Variants in SERPINA6 observed in about 807,000 individuals in gnomAD.
SERPINA6 encodes the protein serpin family A member 6.
SERPINA6 carries 19 observed loss-of-function variants against 26.4 expected under a neutral mutation model. That is an observed-to-expected ratio of 0.72 (90% confidence interval 0.50 to 1.06). The LOEUF (loss-of-function observed/expected upper bound fraction) is 1.06. Ranked by LOEUF, SERPINA6 falls within the 50% of genes least tolerant of loss-of-function variation. The probability of loss-of-function intolerance (pLI) is 0.00; values close to 1 mark genes in which losing one functional copy is unlikely to be tolerated. For synonymous variants in SERPINA6, 196 were observed against 199.4 expected (o/e 0.98, Z 0.14); for missense variants, 473 against 504.0 (o/e 0.94, Z 0.59).
At chr14:94,323,152 T>C (rs1483306720) in intron 1 of SERPINA6, 115 bp downstream of exon 1, 1 of 152,280 alleles carries the variant, frequency 6.6e-6, no homozygotes, top group Non-Finnish European at 1.5e-5. Context: ...TAATGTTCAA[T>C]GTGCCCTTTA....
intron 4 of SERPINA6, 101 bp downstream of exon 4, chr14:94,305,970 T>C: frequency 7.2e-7 from 1 of 1,387,322 alleles, no homozygotes; most frequent in Non-Finnish European, 1.0e-6. Context: ...GCCAGGGACC[T>C]AGAGGCTCAT....
In SERPINA6 at chr14:94,306,182, A is replaced by G. The variant is rs1438337108; in HGVS notation, c.921T>C (p.Ser307=). 2 of 1,614,112 alleles carry G rather than the reference A, an allele frequency of 1.2e-6. No homozygotes were observed. Among genetic ancestry groups the G allele is most frequent in the South Asian group, 1.1e-5 (1 of 91,084 alleles). The change falls in exon 4 of 5, where the codon TCT becomes TCC. Residue 307 remains serine (S), a synonymous_variant. Coordinates refer to ENST00000341584, the MANE Select transcript of SERPINA6 (RefSeq NM_001756.4). ...VDLYIPKVTI[S]GVYDLGDVLE... ...GCACATCTCCGAGGTCATAGACTCC[A>G]GAGATGGTGACCTTTGGAATGTACA...
Position 94,314,617 on chromosome 14 carries a change from C to T in SERPINA6, c.32G>A (p.Trp11Ter), listed in dbSNP as rs777245398. 4 of 1,613,944 alleles carry T rather than the reference C, an allele frequency of 2.5e-6. No individual in the cohort carries two copies. Among genetic ancestry groups the T allele is most frequent in the Non-Finnish European group, 3.4e-6 (4 of 1,180,042 alleles). ...GGTCCAGAGGCCGCTGGTGGGCAGCCAGAGAAGACAGGTGTACAGGAGGAG... is the reference window on the plus strand; with the variant it reads ...GGTCCAGAGGCCGCTGGTGGGCAGCTAGAGAAGACAGGTGTACAGGAGGAG... Reference protein sequence around the residue: MPLLLYTCLLWLPTSGLWTVQ... With the variant: MPLLLYTCLL Residue 11 changes from tryptophan to a stop codon, truncating the protein, a stop_gained, in exon 2 of 5, where the codon TGG becomes TAG. Coordinates refer to ENST00000341584, the MANE Select transcript of SERPINA6 (RefSeq NM_001756.4). LOFTEE classifies it high-confidence loss of function.
chr14:94,311,054 A>G (rs1021028303), intron 2 of SERPINA6, among the ~76,000 whole-genome samples: 1 of 152,122 alleles, frequency 6.6e-6, no homozygotes, highest in Non-Finnish European at 1.5e-5. Flanking sequence ...CCAGCCACAA[A>G]CCTTTTGTAA....
At chr14:94,316,214 G>T (rs1895612117) in intron 1 of SERPINA6, among the ~76,000 whole-genome samples, 1 of 152,160 alleles carries the variant, frequency 6.6e-6, no homozygotes, top group African/African-American at 2.4e-5. Flanking sequence ...ATCTCATTGT[G>T]ATTGAAGAAG....
chr14:94,308,122 C>T lies in SERPINA6; in HGVS notation c.884+1614G>A, dbSNP rs74444476. Among the ~76,000 whole-genome samples the T allele has an allele frequency of 2.0e-5, 3 of 152,328 alleles. No homozygotes were observed. The East Asian group carries it at 5.8e-4, about 29-fold the overall frequency. On this transcript the variant is annotated intron_variant, in intron 3 of 4. Transcript: ENST00000341584. Reference sequence around the variant, plus strand: ...TCATGTCGGGTCTGGAGGCCACTTCCCCCTGGCTGAACTTCCATTCACACT... The same window carrying T: ...TCATGTCGGGTCTGGAGGCCACTTCTCCCTGGCTGAACTTCCATTCACACT...
intron 2 of SERPINA6, among the ~76,000 whole-genome samples, chr14:94,313,657 G>A (rs1895565261): frequency 6.6e-6 from 1 of 152,116 alleles, no homozygotes; most frequent in Admixed American, 6.5e-5. Flanking sequence ...GGATGGCTTT[G>A]GGGGCATCTG....
At position 94,305,054 on chromosome 14, in the gene SERPINA6, CTTG is replaced by C. The variant is rs574821277; in HGVS notation, c.1033-454_1033-452del. Reference sequence around the variant, plus strand: ...GTAAATCTTTGACTGTTGATATGTCCTTGTTGTGATCAAAATTAGGAGGAGTTC... The same window carrying C: ...GTAAATCTTTGACTGTTGATATGTCCTTGTGATCAAAATTAGGAGGAGTTC... On this transcript the variant is annotated intron_variant, in intron 4 of 4. Transcript: ENST00000341584. Among the ~76,000 whole-genome samples, 291 of 152,296 alleles carry C rather than the reference CTTG, an allele frequency of 1.9e-3. 3 individuals are homozygous for C. The highest frequency in any genetic ancestry group is 6.4e-3 in the African/African-American group (267 of 41,552).
chr14:94,317,857 A>G (rs1402741663), intron 1 of SERPINA6, among the ~76,000 whole-genome samples: 2 of 152,254 alleles, frequency 1.3e-5, no homozygotes, highest in Non-Finnish European at 2.9e-5. Context: ...AGCCAGAGCA[A>G]TTGGGCAAGG....
At position 94,314,440 on chromosome 14, in the gene SERPINA6, A is replaced by T. The variant is rs370353870; in HGVS notation, c.209T>A (p.Ile70Asn). Residue 70 changes from isoleucine (I) to asparagine (N), a missense_variant, in exon 2 of 5, where the codon ATC (isoleucine) becomes AAC (asparagine). Physicochemically the swap from Ile to Asn is moderately radical, Grantham distance 149 (BLOSUM62 -3). Coordinates refer to ENST00000341584, the MANE Select transcript of SERPINA6 (RefSeq NM_001756.4). ...GGACAGCATAGCTAAGGCCATGGAGATGCTCACAGGGGAGATGAAAATGTT... is the reference window on the plus strand; with the variant it reads ...GGACAGCATAGCTAAGGCCATGGAGTTGCTCACAGGGGAGATGAAAATGTT... ...KKNIFISPVS[I>N]SMALAMLSLG... 1.2e-5 allele frequency: 20 copies of T among 1,614,066 alleles called. No individual in the cohort carries two copies. Among genetic ancestry groups the T allele is most frequent in the Non-Finnish European group, 1.7e-5 (20 of 1,180,056 alleles).
chr14:94,314,657 A>G lies in SERPINA6; in HGVS notation c.-9T>C. ...TACAGGAGGAGTGGCATTGTCCAGTATAGCCAGGCCCTGCCAAATCAGAAA... is the reference window on the plus strand; with the variant it reads ...TACAGGAGGAGTGGCATTGTCCAGTGTAGCCAGGCCCTGCCAAATCAGAAA... On this transcript the variant is annotated 5_prime_UTR_variant, in exon 2 of 5. Coordinates refer to ENST00000341584, the MANE Select transcript of SERPINA6 (RefSeq NM_001756.4). 1.2e-6 allele frequency: 2 copies of G among 1,612,106 alleles called. No individual in the cohort carries two copies. Among genetic ancestry groups the G allele is most frequent in the African/African-American group, 1.3e-5 (1 of 75,064 alleles).
intron 3 of SERPINA6, among the ~76,000 whole-genome samples, 163 bp downstream of exon 3, chr14:94,309,573 T>C (rs1284146752): frequency 6.6e-6 from 1 of 152,140 alleles, no homozygotes; most frequent in Non-Finnish European, 1.5e-5. Context: ...GAGCTCTAGA[T>C]TAGGGAAACT....
chr14:94,307,034 G>T (rs12437272), intron 3 of SERPINA6, among the ~76,000 whole-genome samples: 27,821 of 152,032 alleles, frequency 0.18, 3,272 homozygotes, highest in African/African-American at 0.33. Context: ...CCTGAGTGAG[G>T]CCCGGAGGCT....
At chr14:94,314,008 G>A (rs924457638) in intron 2 of SERPINA6, 28 bp downstream of exon 2, 8 of 1,613,516 alleles carry the variant, frequency 5.0e-6, no homozygotes, top group African/African-American at 1.3e-5. Context: ...TAGTGGATGG[G>A]CCTTCAGATG....
At chr14:94,312,877 A>G (rs1895551904) in intron 2 of SERPINA6, among the ~76,000 whole-genome samples, 1 of 152,122 alleles carries the variant, frequency 6.6e-6, no homozygotes. Flanking sequence ...CTGGCTGGGG[A>G]TCACATCTCC....
At chr14:94,304,669 G>T (rs1414181152) in intron 4 of SERPINA6, 66 bp from the exon 5 acceptor site, 5 of 1,370,152 alleles carry the variant, frequency 3.6e-6, no homozygotes, top group Non-Finnish European at 4.1e-6. Flanking sequence ...CTGACTCATT[G>T]CTGGGACCCT....
chr14:94,322,855 A>C (rs1998057), intron 1 of SERPINA6, among the ~76,000 whole-genome samples: 49,030 of 151,938 alleles, frequency 0.32, 8,336 homozygotes, highest in Admixed American at 0.38. Context: ...GAGCCCTCCC[A>C]GGCCCTGACC....
chr14:94,306,271 G>A (rs550447936), intron 3 of SERPINA6, 53 bp from the exon 4 acceptor site: 1 of 1,594,502 alleles, frequency 6.3e-7, no homozygotes. Flanking sequence ...GCCTGGCAGA[G>A]GGGAGAGCAG....
chr14:94,314,955 G>A (rs1202422155), intron 1 of SERPINA6: 3 of 466,056 alleles, frequency 6.4e-6, no homozygotes, highest in South Asian at 5.4e-5. Flanking sequence ...CCTAAAGCAA[G>A]TATTATTAAC....
Sources: gnomAD v4.1 joint callset for allele counts (sites outside exome capture counted in the v4.1 genomes callset) on GRCh38, gnomAD v4.1.1 for gene constraint, MANE v1.5 for transcripts, NCBI Gene and HGNC (gene_info 2026-07-23, HGNC 2026-07-21) for gene names.